The following BMPR1A variants were observed in gnomAD, a reference collection of about 807,000 sequenced individuals.
BMPR1A encodes the protein bone morphogenetic protein receptor type-1A.
A neutral mutation model predicts 66.0 loss-of-function variants in BMPR1A; 7 were observed. The ratio of observed to expected loss-of-function variants is 0.11; its 90% CI spans 0.06 to 0.20. The LOEUF is 0.20. Among genes scored for constraint, BMPR1A ranks in the 10% least tolerant of loss-of-function variants. BMPR1A has a pLI of 1.00. For synonymous variants in BMPR1A, 200 were observed against 229.7 expected (o/e 0.87, Z 1.17); for missense variants, 408 against 669.1 (o/e 0.61, Z 4.31).
At chr10:86,886,213 G>A (rs567878794) in intron 3 of BMPR1A, among the ~76,000 whole-genome samples, 1 of 152,210 alleles carries the variant, frequency 6.6e-6, no homozygotes. Flanking sequence ...TGATGATGGT[G>A]AGGCCTGCAG....
chr10:86,895,840 C>T (rs1843216844), intron 5 of BMPR1A, among the ~76,000 whole-genome samples: 1 of 152,072 alleles, frequency 6.6e-6, no homozygotes, highest in Non-Finnish European at 1.5e-5. Flanking sequence ...CCAGCCTGGG[C>T]AACACGGCAG....
At chr10:86,783,517 T>G (rs1841468262) in intron 1 of BMPR1A, among the ~76,000 whole-genome samples, 1 of 152,248 alleles carries the variant, frequency 6.6e-6, no homozygotes, top group South Asian at 2.1e-4. Context: ...AATTTTTTCC[T>G]CAGTTTTTTG....
chr10:86,758,179 GT>G (rs1847909063), intron 1 of BMPR1A, among the ~76,000 whole-genome samples: 1 of 152,152 alleles, frequency 6.6e-6, no homozygotes, highest in Admixed American at 6.5e-5. Flanking sequence ...TGTAGAATGC[GT>G]TTTTAGTAGA....
intron 1 of BMPR1A, among the ~76,000 whole-genome samples, chr10:86,792,986 T>C (rs1425582747): frequency 6.6e-6 from 1 of 152,180 alleles, no homozygotes; most frequent in Non-Finnish European, 1.5e-5. Context: ...GTTCAGTGAT[T>C]CACATTCTGT....
At chr10:86,792,803 AC>A in intron 1 of BMPR1A, among the ~76,000 whole-genome samples, 1 of 152,216 alleles carries the variant, frequency 6.6e-6, no homozygotes, top group Non-Finnish European at 1.5e-5. Flanking sequence ...GTATCAGATC[AC>A]AATTGTATTT....
intron 7 of BMPR1A, among the ~76,000 whole-genome samples, chr10:86,901,440 G>T (rs547412943): frequency 6.6e-6 from 1 of 152,336 alleles, no homozygotes; most frequent in Non-Finnish European, 1.5e-5. Flanking sequence ...TTTACTTCCA[G>T]ACATAACCAC....
At position 86,866,995 on chromosome 10, in the gene BMPR1A, T is replaced by TG. The variant is rs1289346085; in HGVS notation, c.-152-8869dup. Among the ~76,000 whole-genome samples the TG allele has an allele frequency of 1.2e-4, 18 of 152,158 alleles. 1 individual carries two copies. The highest frequency in any genetic ancestry group is 3.9e-4 in the African/African-American group (16 of 41,428). On this transcript the variant is annotated intron_variant, in intron 2 of 12. Coordinates refer to ENST00000372037, the MANE Select transcript of BMPR1A (RefSeq NM_004329.3). ...TAAGTTATAAAAATGACAGTGACAA[T>TG]GGGATGCTAAGCAGGTACCATTAAA...
chr10:86,808,701 C>T (rs1157441925), intron 1 of BMPR1A, among the ~76,000 whole-genome samples: 3 of 152,196 alleles, frequency 2.0e-5, no homozygotes, highest in Non-Finnish European at 2.9e-5. Context: ...TGATTTTAAA[C>T]TGTGAAGTGC....
chr10:86,768,826 CCTT>C (rs544992733), intron 1 of BMPR1A, among the ~76,000 whole-genome samples: 4 of 152,186 alleles, frequency 2.6e-5, no homozygotes, highest in Non-Finnish European at 5.9e-5. Context: ...TTACTCTAAG[CCTT>C]CTTTTCTCAT....
intron 1 of BMPR1A, among the ~76,000 whole-genome samples, chr10:86,777,746 G>A (rs1329119409): frequency 6.6e-6 from 1 of 152,060 alleles, no homozygotes; most frequent in Non-Finnish European, 1.5e-5. Flanking sequence ...AGGCGCAGTG[G>A]CTCATGCCTG....
rs551027605 is a variant in BMPR1A, at chr10:86,758,561, T to C, written c.-268+1642T>C. On this transcript the variant is annotated intron_variant, in intron 1 of 12. Coordinates refer to ENST00000372037, the MANE Select transcript of BMPR1A (RefSeq NM_004329.3). The stretch of plus-strand genomic sequence containing the variant: ...AGTCTGCTACTCCTTCAAGCTGTCT[T>C]GTTGCTGCTTTTCCTTTTCAAATCT... Among the ~76,000 whole-genome samples, 14 of 152,360 alleles carry C rather than the reference T, an allele frequency of 9.2e-5. 1 individual carries two copies. In the South Asian group the frequency reaches 2.7e-3, roughly 29 times the overall value.
At chr10:86,758,027 TG>T (rs1207374475) in intron 1 of BMPR1A, among the ~76,000 whole-genome samples, 1 of 152,220 alleles carries the variant, frequency 6.6e-6, no homozygotes, top group Admixed American at 6.5e-5. Context: ...TGAATTAGAG[TG>T]TAACTTAATG....
chr10:86,802,964 A>G (rs1589723560), intron 1 of BMPR1A, among the ~76,000 whole-genome samples: 1 of 139,740 alleles, frequency 7.2e-6, no homozygotes. Context: ...CTATCTAGGG[A>G]TCTGCACTCT....
chr10:86,786,239 T>A (rs1054880561), intron 1 of BMPR1A, among the ~76,000 whole-genome samples: 5 of 152,116 alleles, frequency 3.3e-5, no homozygotes, highest in Non-Finnish European at 5.9e-5. Flanking sequence ...TACTGTTGTT[T>A]CTCTCATCTT....
intron 1 of BMPR1A, among the ~76,000 whole-genome samples, chr10:86,821,969 A>C (rs141451128): frequency 1.4e-3 from 212 of 152,054 alleles, no homozygotes; most frequent in African/African-American, 4.9e-3. Flanking sequence ...ACACCCAGCT[A>C]ATTTTTGTAT....
chr10:86,757,561 G>A (rs568368569), intron 1 of BMPR1A, among the ~76,000 whole-genome samples: 2 of 152,312 alleles, frequency 1.3e-5, no homozygotes, highest in East Asian at 3.9e-4. Context: ...AAATGAGCTT[G>A]CGTCAGGGAA....
chr10:86,857,995 T>C (rs4934276), intron 2 of BMPR1A, among the ~76,000 whole-genome samples: 61,501 of 151,764 alleles, frequency 0.41, 15,101 homozygotes, highest in East Asian at 0.7. Context: ...CAGTTTAACC[T>C]ATACTCAAAG....
intron 2 of BMPR1A, among the ~76,000 whole-genome samples, chr10:86,839,676 A>G (rs534828317): frequency 6.9e-6 from 1 of 145,132 alleles, no homozygotes; most frequent in Non-Finnish European, 1.5e-5. Context: ...AGAATTCAGA[A>G]TTTTTTTTTT....
intron 2 of BMPR1A, among the ~76,000 whole-genome samples, chr10:86,872,582 C>T (rs1295218740): frequency 1.3e-5 from 2 of 151,928 alleles, no homozygotes; most frequent in African/African-American, 4.8e-5. Context: ...TGACTACTGG[C>T]ACATAGAGGT....
Sources: allele counts gnomAD v4.1 joint callset (sites outside exome capture counted in the v4.1 genomes callset), GRCh38; gene constraint gnomAD v4.1.1; transcripts MANE v1.5; gene names NCBI Gene and HGNC (gene_info 2026-07-23, HGNC 2026-07-21).